Variants in RUVBL1 observed in about 807,000 individuals in gnomAD.
RUVBL1 encodes the protein ruvB-like 1.
A neutral mutation model predicts 52.4 loss-of-function variants in RUVBL1; 4 were observed. That is an observed-to-expected ratio of 0.08 (90% CI 0.04 to 0.17). The LOEUF is 0.17. Ranked by LOEUF, RUVBL1 falls within the 10% of genes least tolerant of loss-of-function variation. The pLI is 1.00. For missense variants in RUVBL1, 298 were observed against 572.8 expected (o/e 0.52, Z 4.90); for synonymous variants, 217 against 214.4 (o/e 1.01, Z -0.10).
rs186698032 is a variant in RUVBL1, at chr3:128,122,754, G to A, written c.141+830C>T. ...GTGACCTTAGAGAACAGCAGGCAGA[G>A]AGGGTGGCTGTATCATCATAGAGCA... On this transcript the variant is annotated intron_variant, in intron 1 of 10. Coordinates refer to ENST00000322623, the MANE Select transcript of RUVBL1 (RefSeq NM_003707.3). Among the ~76,000 whole-genome samples the A allele has an allele frequency of 3.9e-3, 599 of 152,362 alleles. 13 individuals are homozygous for A. The highest frequency in any genetic ancestry group is 1.4e-3 in the Non-Finnish European group (98 of 68,046).
exon 1 of RUVBL1, chr3:128,153,564 C>A: frequency 6.5e-7 from 1 of 1,537,064 alleles, no homozygotes; most frequent in Non-Finnish European, 8.7e-7. Flanking sequence ...TCGACAGCGG[C>A]AAGACGGCGC....
chr3:128,138,067 C>T (rs1943972494), intron 1 of RUVBL1, among the ~76,000 whole-genome samples: 2 of 152,142 alleles, frequency 1.3e-5, no homozygotes, highest in Admixed American at 6.5e-5. Context: ...CCATATACAA[C>T]AGACCCACAG....
intron 3 of RUVBL1, among the ~76,000 whole-genome samples, chr3:128,111,122 G>C (rs1441708520): frequency 6.6e-6 from 1 of 151,654 alleles, no homozygotes; most frequent in Non-Finnish European, 1.5e-5. Flanking sequence ...CTATTCAGGA[G>C]GCTGAGGCAC....
rs201138880 is a variant in RUVBL1, at chr3:128,142,940, TC to T, written c.-40+10262del. On this transcript the variant is annotated intron_variant, in intron 1 of 9. Transcript: ENST00000464873. ...GCATTACAGGCGCACGCCACCACAC[TC>T]AGCTAATTTTTGTATTTTTATTAGA... is the stretch of plus-strand genomic sequence containing the variant. Among the ~76,000 whole-genome samples the T allele has an allele frequency of 7.2e-3, 1,095 of 151,974 alleles. 14 individuals carry two copies. Among genetic ancestry groups the T allele is most frequent in the African/African-American group, 0.024 (1,000 of 41,434 alleles).
chr3:128,136,638 A>AC (rs1274229033), intron 1 of RUVBL1, among the ~76,000 whole-genome samples: 1 of 151,708 alleles, frequency 6.6e-6, no homozygotes, highest in Non-Finnish European at 1.5e-5. Context: ...AAAAAAAAAA[A>AC]AACAATGATC....
chr3:128,110,645 C>T (rs1044124344), intron 3 of RUVBL1, among the ~76,000 whole-genome samples: 20 of 152,062 alleles, frequency 1.3e-4, no homozygotes, highest in African/African-American at 4.8e-4. Context: ...AATTTAGCCT[C>T]TGGACACAGT....
chr3:128,127,326 G>A (rs1943807772), upstream of RUVBL1, among the ~76,000 whole-genome samples: 1 of 152,184 alleles, frequency 6.6e-6, no homozygotes, highest in Admixed American at 6.5e-5. Context: ...AAGTAATTGT[G>A]TGGACTACTA....
chr3:128,076,267 G>A (rs1483618589), downstream of RUVBL1, among the ~76,000 whole-genome samples: 1 of 152,190 alleles, frequency 6.6e-6, no homozygotes, highest in Non-Finnish European at 1.5e-5. This position sits in a 1 kb window ranked among gnomAD's most constrained non-coding sequence, Gnocchi z 6.8. Context: ...GGTGGGGAGC[G>A]AGCAGGGCCA....
chr3:128,069,685 G>A, intron 9 of RUVBL1: 1 of 1,609,788 alleles, frequency 6.2e-7, no homozygotes, highest in Non-Finnish European at 8.5e-7. Context: ...GACAGGTTGA[G>A]GAAGCTGCTC....
chr3:128,090,998 T>C (rs1942820321), intron 8 of RUVBL1, among the ~76,000 whole-genome samples: 2 of 152,178 alleles, frequency 1.3e-5, no homozygotes, highest in Admixed American at 6.5e-5. Flanking sequence ...TAGAAATGCA[T>C]TAATAACATT....
chr3:128,081,473 C>G lies in RUVBL1; in HGVS notation c.1212-64G>C. The G allele has an allele frequency of 2.6e-6, 4 of 1,531,432 alleles. No homozygotes were observed. The highest frequency in any genetic ancestry group is 1.4e-5 in the African/African-American group (1 of 73,106). The allele number at this position is 1,531,432 out of a possible 1,614,324, so 94.9% of individuals were successfully genotyped here. A position where few individuals can be genotyped will look rare whatever the true frequency, so the allele number is the denominator to read the frequency against. ...GCCACCGAAGAAAGCACCTTCCCCC[C>G]ACATCAGTAGGCAGCACTGGCACCA... On this transcript the variant is annotated intron_variant, in intron 10 of 10. Transcript: ENST00000322623. This position sits in a 1 kb window ranked among gnomAD's most constrained non-coding sequence, Gnocchi z 4.8.
At chr3:128,153,461 G>T in exon 1 of RUVBL1, 1 of 1,449,464 alleles carries the variant, frequency 6.9e-7, no homozygotes, top group Non-Finnish European at 9.0e-7. Flanking sequence ...GACTACCGAG[G>T]GAGGTGAGGG....
intron 9 of RUVBL1, chr3:128,069,409 C>A: frequency 6.7e-7 from 1 of 1,485,910 alleles, no homozygotes; most frequent in Non-Finnish European, 9.2e-7. Context: ...TCAGGTGAGC[C>A]TGTTGGCCGC....
downstream of RUVBL1, among the ~76,000 whole-genome samples, chr3:128,079,454 C>T (rs552843337): frequency 2.9e-4 from 44 of 152,368 alleles, no homozygotes; most frequent in African/African-American, 9.1e-4. Flanking sequence ...CCCAGTCTCA[C>T]AGGCTACTGT....
intron 1 of RUVBL1, among the ~76,000 whole-genome samples, chr3:128,135,779 T>C (rs1466869738): frequency 2.0e-5 from 3 of 152,234 alleles, no homozygotes; most frequent in African/African-American, 7.2e-5. Flanking sequence ...TCATTGGTAA[T>C]AGTACGTACA....
chr3:128,130,898 C>T (rs1020001662), intron 1 of RUVBL1, among the ~76,000 whole-genome samples: 45 of 152,086 alleles, frequency 3.0e-4, no homozygotes, highest in African/African-American at 1.0e-3. Context: ...GATCTGCCCA[C>T]CTCGGCCTCC....
intron 1 of RUVBL1, among the ~76,000 whole-genome samples, chr3:128,139,551 T>C (rs1288438239): frequency 6.6e-6 from 1 of 152,148 alleles, no homozygotes; most frequent in Non-Finnish European, 1.5e-5. Context: ...CAATAAAAAA[T>C]GCTGGTGACA....
At chr3:128,112,808 C>T in intron 3 of RUVBL1, 80 bp downstream of exon 3, 1 of 1,481,360 alleles carries the variant, frequency 6.8e-7, no homozygotes. Flanking sequence ...GTCATAAAGG[C>T]ATCTTCACCA....
intron 1 of RUVBL1, 92 bp downstream of exon 1, chr3:128,123,492 C>T: frequency 9.1e-6 from 12 of 1,321,840 alleles, no homozygotes; most frequent in Non-Finnish European, 1.2e-5. Flanking sequence ...ACCCCTGGCG[C>T]GCGCATCCCG....
Sources: gnomAD v4.1 joint callset for allele counts (sites outside exome capture counted in the v4.1 genomes callset) on GRCh38, gnomAD v4.1.1 for gene constraint, Gnocchi (gnomAD v3.1) non-coding constraint, MANE v1.5 for transcripts, NCBI Gene and HGNC (gene_info 2026-07-23, HGNC 2026-07-21) for gene names.